Variants in MGAT4C observed in about 807,000 individuals in gnomAD.
MGAT4C encodes MGAT4 family member C.
Under a neutral mutation model 40.1 loss-of-function variants are expected in MGAT4C, and 19 were observed. That is an observed-to-expected ratio of 0.47 (90% CI 0.33 to 0.70). The LOEUF is 0.70. MGAT4C is among the 30% of genes least tolerant of loss of function. MGAT4C has a pLI of 0.02. For missense variants in MGAT4C, 491 were observed against 563.2 expected (o/e 0.87, Z 1.30); for synonymous variants, 181 against 187.1 (o/e 0.97, Z 0.27).
intron 2 of MGAT4C, among the ~76,000 whole-genome samples, chr12:86,486,744 G>C (rs1343595958): frequency 1.3e-5 from 2 of 152,164 alleles, no homozygotes; most frequent in Non-Finnish European, 2.9e-5. Context: ...GACATCTAGA[G>C]AATACTCCAC....
intron 4 of MGAT4C, among the ~76,000 whole-genome samples, chr12:86,270,095 C>T (rs1038348361): frequency 1.7e-4 from 26 of 151,966 alleles, no homozygotes; most frequent in African/African-American, 6.3e-4. Flanking sequence ...GAGACAGAGT[C>T]TCACTCTGTC....
At chr12:86,286,032 G>A (rs773385592) in intron 4 of MGAT4C, among the ~76,000 whole-genome samples, 1 of 151,862 alleles carries the variant, frequency 6.6e-6, no homozygotes, top group Non-Finnish European at 1.5e-5. Flanking sequence ...CTTTGCAAAC[G>A]TTTATTGTTT....
chr12:86,141,612 G>T (rs1397742586), intron 1 of MGAT4C, among the ~76,000 whole-genome samples: 1 of 152,060 alleles, frequency 6.6e-6, no homozygotes, highest in Non-Finnish European at 1.5e-5. Context: ...TACAGAAAGG[G>T]TTTTGTAATC....
At chr12:86,495,908 T>C (rs1958227017) in intron 2 of MGAT4C, among the ~76,000 whole-genome samples, 1 of 151,948 alleles carries the variant, frequency 6.6e-6, no homozygotes, top group Non-Finnish European at 1.5e-5. Flanking sequence ...CTAATTACTT[T>C]TTACCAATTC....
At chr12:86,421,848 T>C (rs942452125) in intron 3 of MGAT4C, among the ~76,000 whole-genome samples, 1 of 152,170 alleles carries the variant, frequency 6.6e-6, no homozygotes, top group African/African-American at 2.4e-5. Flanking sequence ...CCACATATCA[T>C]GCGTATGTTA....
At chr12:86,137,003 T>A (rs989462279) in intron 1 of MGAT4C, among the ~76,000 whole-genome samples, 2 of 152,090 alleles carry the variant, frequency 1.3e-5, no homozygotes, top group Non-Finnish European at 2.9e-5. Context: ...TTTTTGACTA[T>A]AAAAATATGA....
chr12:86,727,653 C>T (rs1481394973), intron 1 of MGAT4C, among the ~76,000 whole-genome samples: 1 of 152,006 alleles, frequency 6.6e-6, no homozygotes, highest in Non-Finnish European at 1.5e-5. Flanking sequence ...TAAATGTTCA[C>T]ATAGTTCTTA....
At chr12:85,999,843 T>G (rs1158737471) in intron 2 of MGAT4C, among the ~76,000 whole-genome samples, 1 of 151,684 alleles carries the variant, frequency 6.6e-6, no homozygotes, top group Non-Finnish European at 1.5e-5. Flanking sequence ...AAGCAGAGAG[T>G]AGAATAGTGA....
intron 3 of MGAT4C, among the ~76,000 whole-genome samples, chr12:86,429,467 G>C (rs759662614): frequency 2.0e-5 from 3 of 152,092 alleles, no homozygotes; most frequent in African/African-American, 7.2e-5. Context: ...GTTTATCTCT[G>C]TTAGGACCAT....
chr12:86,821,534 T>C (rs1177596444), intron 1 of MGAT4C, among the ~76,000 whole-genome samples: 1 of 150,870 alleles, frequency 6.6e-6, no homozygotes, highest in Non-Finnish European at 1.5e-5. Context: ...TTAGTTATTT[T>C]GAAATATACA....
chr12:86,339,326 G>A (rs185231160), intron 3 of MGAT4C, among the ~76,000 whole-genome samples: 12 of 152,260 alleles, frequency 7.9e-5, no homozygotes, highest in Admixed American at 5.2e-4. Context: ...TAAGAAGATA[G>A]TAAAGAATCA....
chr12:86,767,889 G>A (rs1412895683), intron 1 of MGAT4C, among the ~76,000 whole-genome samples: 1 of 152,112 alleles, frequency 6.6e-6, no homozygotes. Context: ...AGCTATCTAT[G>A]ACAAACCCAC....
In MGAT4C at chr12:86,439,150, C is replaced by A. The variant is rs1228826745; in HGVS notation, c.-228-3885G>T. On this transcript the variant is annotated intron_variant, in intron 2 of 7. Coordinates refer to the MGAT4C transcript ENST00000548651. ...ACCTAACAGATATTTATAGCACATT[C>A]TACCCAATAACTGCAAAATATACAT... 2.6e-5 allele frequency among the ~76,000 whole-genome samples: 4 copies of A among 151,972 alleles called. No individual in the cohort carries two copies. The East Asian group carries it at 7.7e-4, about 29-fold the overall frequency.
intron 2 of MGAT4C, among the ~76,000 whole-genome samples, chr12:86,705,384 C>A (rs1950438108): frequency 6.6e-6 from 1 of 151,934 alleles, no homozygotes; most frequent in African/African-American, 2.4e-5. Flanking sequence ...TGCTAAACTT[C>A]ATGATGCACA....
intron 2 of MGAT4C, among the ~76,000 whole-genome samples, chr12:86,644,226 C>T (rs993710408): frequency 6.6e-6 from 1 of 151,568 alleles, no homozygotes; most frequent in African/African-American, 2.4e-5. Flanking sequence ...TACACTAAAG[C>T]TCACTTAAAT....
At chr12:86,216,204 C>T (rs545580003) in intron 1 of MGAT4C, among the ~76,000 whole-genome samples, 9 of 152,094 alleles carry the variant, frequency 5.9e-5, no homozygotes, top group South Asian at 2.1e-4. Flanking sequence ...GTAACTAGTG[C>T]GGGGAAGTTT....
At chr12:86,823,226 A>C (rs1952736538) in intron 1 of MGAT4C, among the ~76,000 whole-genome samples, 1 of 151,214 alleles carries the variant, frequency 6.6e-6, no homozygotes, top group African/African-American at 2.4e-5. Flanking sequence ...AAGAACAAAA[A>C]AGAACAAACA....
At chr12:86,201,644 T>C (rs1950054926) in intron 1 of MGAT4C, among the ~76,000 whole-genome samples, 1 of 151,800 alleles carries the variant, frequency 6.6e-6, no homozygotes, top group South Asian at 2.1e-4. Context: ...TTTTGACTAT[T>C]CTAGGTCCTT....
At chr12:86,210,577 G>C (rs985257163) in intron 1 of MGAT4C, among the ~76,000 whole-genome samples, 1 of 152,148 alleles carries the variant, frequency 6.6e-6, no homozygotes, top group African/African-American at 2.4e-5. Context: ...TTAGAAATCA[G>C]TAAAGTTATC....
Sources: allele counts gnomAD v4.1 joint callset (sites outside exome capture counted in the v4.1 genomes callset), GRCh38; gene constraint gnomAD v4.1.1; transcripts MANE v1.5; gene names NCBI Gene and HGNC (gene_info 2026-07-23, HGNC 2026-07-21).